Variants in NCAM1 observed in about 807,000 individuals in gnomAD.
NCAM1 encodes the protein neural cell adhesion molecule 1.
In NCAM1, 14 loss-of-function variants were observed where a neutral mutation model predicts 109.8. That is an observed-to-expected ratio of 0.13 (90% confidence interval 0.08 to 0.20). NCAM1 has a LOEUF of 0.20. NCAM1 is among the 10% of genes least tolerant of loss of function. The pLI, the probability that NCAM1 is intolerant of heterozygous loss-of-function variation, is 1.00. For synonymous variants in NCAM1, 418 were observed against 442.9 expected (o/e 0.94, Z 0.70); for missense variants, 774 against 1,109.9 (o/e 0.70, Z 4.30).
chr11:113,252,217 C>G (rs782759203), intron 15 of NCAM1, among the ~76,000 whole-genome samples: 1 of 152,060 alleles, frequency 6.6e-6, no homozygotes, highest in Non-Finnish European at 1.5e-5. Context: ...AGTTCAAGAC[C>G]AGCCTCAGTA....
chr11:113,155,679 C>T (rs1160499159), intron 1 of NCAM1, among the ~76,000 whole-genome samples: 1 of 152,088 alleles, frequency 6.6e-6, no homozygotes, highest in Non-Finnish European at 1.5e-5. Context: ...CTGCAAGGTC[C>T]CAGTGGTCTT....
intron 1 of NCAM1, among the ~76,000 whole-genome samples, chr11:112,994,015 CT>C (rs1221238749): frequency 2.0e-5 from 3 of 152,318 alleles, no homozygotes; most frequent in Non-Finnish European, 4.4e-5. Context: ...AGCTGTCACC[CT>C]GGGATGACCT....
intron 7 of NCAM1, among the ~76,000 whole-genome samples, chr11:113,214,041 C>T (rs183058399): frequency 1.3e-5 from 2 of 152,340 alleles, no homozygotes; most frequent in East Asian, 3.9e-4. Flanking sequence ...AGAGTTCCAC[C>T]TCCTGAAAAT....
chr11:113,254,897 C>T (rs899981172), intron 15 of NCAM1, among the ~76,000 whole-genome samples: 23 of 152,164 alleles, frequency 1.5e-4, no homozygotes, highest in African/African-American at 5.3e-4. Flanking sequence ...GAGACGTCCT[C>T]TCACCTTATT....
chr11:113,245,955 G>T (rs1945487162), intron 14 of NCAM1, among the ~76,000 whole-genome samples: 1 of 152,092 alleles, frequency 6.6e-6, no homozygotes, highest in Non-Finnish European at 1.5e-5. Context: ...CAGTCTCCTG[G>T]ATTGACTTTG....
intron 1 of NCAM1, among the ~76,000 whole-genome samples, chr11:113,169,062 GTGTGTGTGTC>G (rs782150576): frequency 0.017 from 2,614 of 149,402 alleles, 27 homozygotes; most frequent in Middle Eastern, 0.034. Context: ...GTGTGTGTGT[GTGTGTGTGTC>G]TGTGTGTGTG....
chr11:113,152,934 A>G (rs187881091), intron 1 of NCAM1, among the ~76,000 whole-genome samples: 82 of 152,264 alleles, frequency 5.4e-4, no homozygotes, highest in Admixed American at 2.2e-3. Flanking sequence ...GGCTTTATAA[A>G]GATGACTCTG....
At chr11:113,029,162 G>A (rs756976129) in intron 1 of NCAM1, among the ~76,000 whole-genome samples, 3 of 152,170 alleles carry the variant, frequency 2.0e-5, no homozygotes, top group Admixed American at 1.3e-4. Context: ...CTAGGTGACC[G>A]TAATCACAGG....
intron 1 of NCAM1, among the ~76,000 whole-genome samples, chr11:113,072,290 C>T (rs1938305763): frequency 6.6e-6 from 1 of 152,196 alleles, no homozygotes; most frequent in African/African-American, 2.4e-5. Flanking sequence ...TTGGAATAAT[C>T]ATTTGGAGGA....
At position 113,197,300 on chromosome 11, in the gene NCAM1, A is replaced by G. The variant is rs529944183; in HGVS notation, c.53-5079A>G. 75 of 166,576 alleles carry G rather than the reference A, an allele frequency of 4.5e-4. 1 individual carries two copies. In the South Asian group the frequency reaches 5.2e-3, roughly 12 times the overall value. The allele number at this position is 166,576 out of a possible 1,614,324, so 10.3% of individuals were successfully genotyped here. A position where few individuals can be genotyped will look rare whatever the true frequency, so the allele number is the denominator to read the frequency against. ...TTATGCTCCTGGTCTCAGTATCTGGATTTCCCACAGGTATAGCCAAATGAA... is the reference window on the plus strand; with the variant it reads ...TTATGCTCCTGGTCTCAGTATCTGGGTTTCCCACAGGTATAGCCAAATGAA... On this transcript the variant is annotated intron_variant, in intron 1 of 19. Coordinates refer to ENST00000316851, the MANE Select transcript of NCAM1 (RefSeq NM_181351.5).
chr11:113,173,737 C>G (rs765183165), intron 1 of NCAM1, among the ~76,000 whole-genome samples: 1 of 151,346 alleles, frequency 6.6e-6, no homozygotes, highest in Non-Finnish European at 1.5e-5. Context: ...TGGGCTTAAC[C>G]TGCAGAGCTT....
At chr11:113,039,932 G>A (rs1953015136) in intron 1 of NCAM1, among the ~76,000 whole-genome samples, 1 of 152,172 alleles carries the variant, frequency 6.6e-6, no homozygotes, top group South Asian at 2.1e-4. Context: ...TCTGAGGTCA[G>A]GAGTTCGAGA....
Position 112,961,656 on chromosome 11 carries a change from G to T in NCAM1, c.44G>T (p.Gly15Val), listed in dbSNP as rs1555063068. Residue 15 changes from glycine (G) to valine (V), a missense_variant, in exon 1 of 20, where the codon GGA becomes GTA. Around this residue, in one of 4 missense-constraint regions of NCAM1, gnomAD observed 112 missense variants for 142.0 expected, o/e 0.79. Transcript: ENST00000316851. The stretch of plus-strand genomic sequence containing the variant: ...CTCATCTGGACTTTGTTTTTCCTGG[G>T]AACTGCAGGTACATTTTTTTTTTTT... The part of the protein sequence containing the change: ...KDLIWTLFFL[G>V]TAVSLQVDIV... 6.8e-7 allele frequency: 1 copy of T among 1,480,594 alleles called. No homozygotes were observed. The highest frequency in any genetic ancestry group is 9.4e-7 in the Non-Finnish European group (1 of 1,067,898). The allele number at this position is 1,480,594 out of a possible 1,614,324, so 91.7% of individuals were successfully genotyped here.
At position 113,204,379 on chromosome 11, in the gene NCAM1, A is replaced by G. The variant is rs782744343; in HGVS notation, c.221A>G (p.Asn74Ser). ...PNQQRISVVWNDDSSSTLTIY... is the reference protein window; with the variant it reads ...PNQQRISVVWSDDSSSTLTIY... ...CAGCAGCGGATCTCAGTGGTGTGGA[A>G]TGATGATTCCTCCTCCACCCTCACC... The change falls in exon 3 of 20, where the codon AAT (asparagine) becomes AGT (serine). Residue 74 changes from asparagine (N) to serine (S), a missense_variant. By Grantham distance (46) the Asn-to-Ser change is conservative. Around this residue, in one of 4 missense-constraint regions of NCAM1, gnomAD observed 112 missense variants for 142.0 expected, o/e 0.79. Transcript: ENST00000316851. 6.2e-7 allele frequency: 1 copy of G among 1,613,994 alleles called. No homozygotes were observed. Among genetic ancestry groups the G allele is most frequent in the Non-Finnish European group, 8.5e-7 (1 of 1,179,858 alleles).
In NCAM1 at chr11:113,036,099, A is replaced by G. The variant is rs1487387837; in HGVS notation, c.52+74435A>G. On this transcript the variant is annotated intron_variant, in intron 1 of 19. Coordinates refer to ENST00000316851, the MANE Select transcript of NCAM1 (RefSeq NM_181351.5). ...CCTTGTCTACTTGACTCCCTATCTT[A>G]GTCCCCACCCGGGCTCTTCCAAGCC... Among the ~76,000 whole-genome samples the G allele has an allele frequency of 2.0e-5, 3 of 151,910 alleles. No homozygotes were observed. In the East Asian group the frequency reaches 5.8e-4, roughly 30 times the overall value.
chr11:112,966,947 G>C (rs889967803), intron 1 of NCAM1, among the ~76,000 whole-genome samples: 1 of 152,154 alleles, frequency 6.6e-6, no homozygotes, highest in Non-Finnish European at 1.5e-5. Context: ...AAGCTATTTG[G>C]TGTATCTTGT....
At chr11:113,244,908 G>A (rs1945455607) in intron 14 of NCAM1, among the ~76,000 whole-genome samples, 1 of 152,090 alleles carries the variant, frequency 6.6e-6, no homozygotes, top group African/African-American at 2.4e-5. Flanking sequence ...TTAACCAGCG[G>A]TGTTCTTTAC....
At chr11:112,996,510 A>G (rs907136483) in intron 1 of NCAM1, among the ~76,000 whole-genome samples, 9 of 152,240 alleles carry the variant, frequency 5.9e-5, no homozygotes, top group African/African-American at 1.9e-4. Context: ...ATTGTTTATT[A>G]TCATAAACAG....
chr11:113,155,183 G>T (rs1284754509), intron 1 of NCAM1, among the ~76,000 whole-genome samples: 1 of 152,136 alleles, frequency 6.6e-6, no homozygotes, highest in Admixed American at 6.6e-5. Context: ...AATTGAAAAT[G>T]GTCATTAGAG....
Sources: allele counts gnomAD v4.1 joint callset (sites outside exome capture counted in the v4.1 genomes callset), GRCh38; gene constraint gnomAD v4.1.1; regional missense constraint gnomAD v4.1.1; transcripts MANE v1.5; gene names NCBI Gene and HGNC (gene_info 2026-07-23, HGNC 2026-07-21).